NWD1: variants seen among roughly 807,000 people sequenced by gnomAD.
NWD1 encodes the protein NACHT and WD repeat domain containing 1, also known as NACHT domain- and WD repeat-containing protein 1.
In NWD1, 129 loss-of-function variants were observed where a neutral mutation model predicts 135.1. The ratio of observed to expected loss-of-function variants is 0.96; its 90% CI spans 0.83 to 1.11. The LOEUF (loss-of-function observed/expected upper bound fraction) is 1.11, where lower values mean the gene tolerates loss of function less well. Ranked by LOEUF, NWD1 falls within the 50% of genes least tolerant of loss-of-function variation. The pLI, the probability that NWD1 is intolerant of heterozygous loss-of-function variation, is 0.00. For missense variants in NWD1, 1,740 were observed against 1,851.3 expected (o/e 0.94, Z 1.10); for synonymous variants, 773 against 786.0 (o/e 0.98, Z 0.28).
rs202142885 is a variant in NWD1 at position 16,749,387 on chromosome 19, G to A, written c.745G>A (p.Asp249Asn). Residue 249 changes from aspartate to asparagine, a missense_variant, in exon 6 of 19, where the codon GAC becomes AAC. Asp to Asn is a conservative substitution (Grantham distance 23). Transcript: ENST00000524140. Reference protein sequence around the residue: ...LKTHRLPWSRDLVNPKNKTHA... With the variant: ...LKTHRLPWSRNLVNPKNKTHA... ...GACCCACCGCCTGCCGTGGAGCCGC[G>A]ACTTGGTGAACCCCAAGAACAAGAC... 571 of 1,613,726 alleles carry A rather than the reference G, an allele frequency of 3.5e-4. No individual in the cohort carries two copies. Among genetic ancestry groups the A allele is most frequent in the Non-Finnish European group, 4.7e-4 (555 of 1,179,864 alleles).
At chr19:16,764,816 G>A (rs1292852563) in intron 9 of NWD1, among the ~76,000 whole-genome samples, 2 of 151,888 alleles carry the variant, frequency 1.3e-5, no homozygotes, top group African/African-American at 4.8e-5. Flanking sequence ...ACTTGGGGTG[G>A]GAGTGCTACT....
chr19:16,779,825 G>C (rs1392101247), intron 12 of NWD1, among the ~76,000 whole-genome samples: 2 of 151,938 alleles, frequency 1.3e-5, no homozygotes, highest in African/African-American at 4.8e-5. Flanking sequence ...TTTTAGAAAT[G>C]GGGTCTTGCT....
At chr19:16,732,232 A>G (rs1967600562) in intron 3 of NWD1, among the ~76,000 whole-genome samples, 1 of 140,222 alleles carries the variant, frequency 7.1e-6, no homozygotes, top group Non-Finnish European at 1.5e-5. Flanking sequence ...AAAAAAAAAA[A>G]AAGGCAGATG....
chr19:16,793,815 G>T (rs1568385630), intron 14 of NWD1, among the ~76,000 whole-genome samples: 1 of 151,200 alleles, frequency 6.6e-6, no homozygotes, highest in Admixed American at 6.6e-5. Context: ...GACCTCGAGT[G>T]ATCCACCCAC....
chr19:16,773,361 C>G, intron 11 of NWD1, 38 bp downstream of exon 11: 4 of 1,566,994 alleles, frequency 2.6e-6, no homozygotes, highest in Non-Finnish European at 3.5e-6. Flanking sequence ...CCAGCAGGCA[C>G]CTGCTTGCCT....
In NWD1 at chr19:16,762,156, C is replaced by T. The variant is rs1459039151; in HGVS notation, c.2133+18C>T. ...ACCGAAAGGTGAGGTACCTGGGACCCCCATTCCCCACCTGCAACCTCCACC... is the reference window on the plus strand; with the variant it reads ...ACCGAAAGGTGAGGTACCTGGGACCTCCATTCCCCACCTGCAACCTCCACC... On this transcript the variant is annotated intron_variant, in intron 8 of 18. Coordinates refer to ENST00000524140, the MANE Select transcript of NWD1 (RefSeq NM_001007525.5). 6.2e-7 allele frequency: 1 copy of T among 1,606,430 alleles called. No homozygotes were observed. Among genetic ancestry groups the T allele is most frequent in the South Asian group, 1.1e-5 (1 of 90,680 alleles).
At position 16,789,133 on chromosome 19, in the gene NWD1, C is replaced by A. The variant is rs757244606; in HGVS notation, c.2883C>A (p.Ile961=). ...GGSKNPAEPQ[I]WNLHVDEAHK... ...CAAAAAATCCCGCTGAACCTCAGAT[C>A]TGGAACCTTCATGTGGATGAGGCAC... The change falls in exon 13 of 19, where the codon ATC becomes ATA. Residue 961 remains isoleucine (I), a synonymous_variant. Coordinates refer to ENST00000524140, the MANE Select transcript of NWD1 (RefSeq NM_001007525.5). 1 of 1,614,076 alleles carries A rather than the reference C, an allele frequency of 6.2e-7. No individual in the cohort carries two copies. Among genetic ancestry groups the A allele is most frequent in the Middle Eastern group, 1.7e-4 (1 of 6,054 alleles).
intron 6 of NWD1, among the ~76,000 whole-genome samples, chr19:16,754,377 C>T (rs1175828792): frequency 6.6e-6 from 1 of 151,252 alleles, no homozygotes; most frequent in African/African-American, 2.4e-5. Flanking sequence ...ATCATCCATC[C>T]ACCCATCATC....
intron 14 of NWD1, 99 bp from the exon 15 acceptor site, chr19:16,794,364 T>C (rs1328276152): frequency 2.9e-6 from 2 of 694,630 alleles, no homozygotes; most frequent in Non-Finnish European, 4.9e-6. Flanking sequence ...AGACTCCATC[T>C]CAAAAACAAA....
At chr19:16,730,175 A>G (rs1333596789) in intron 2 of NWD1, among the ~76,000 whole-genome samples, 1 of 151,928 alleles carries the variant, frequency 6.6e-6, no homozygotes, top group African/African-American at 2.4e-5. Context: ...ACAAAAAATT[A>G]GCCAGGTGTG....
At chr19:16,794,672 CA>C (rs1970362275) in intron 15 of NWD1, 119 bp downstream of exon 15, 1 of 696,430 alleles carries the variant, frequency 1.4e-6, no homozygotes, top group African/African-American at 1.8e-5. Flanking sequence ...CGTTTTCTGC[CA>C]AATGGCCTCA....
At chr19:16,795,705 C>A (rs1970396825) in intron 15 of NWD1, among the ~76,000 whole-genome samples, 1 of 152,126 alleles carries the variant, frequency 6.6e-6, no homozygotes, top group Admixed American at 6.6e-5. Flanking sequence ...ATATGAGCCA[C>A]CACACCTGGC....
intron 4 of NWD1, among the ~76,000 whole-genome samples, chr19:16,739,634 C>A (rs1206232806): frequency 6.6e-6 from 1 of 152,148 alleles, no homozygotes; most frequent in Non-Finnish European, 1.5e-5. Context: ...TCATTCTGCT[C>A]CATGACTCTG....
chr19:16,723,214 G>C (rs1967203002), intron 1 of NWD1, among the ~76,000 whole-genome samples: 1 of 151,918 alleles, frequency 6.6e-6, no homozygotes, highest in Admixed American at 6.6e-5. Context: ...TTTTGCTGTT[G>C]TTGAGATAGG....
At chr19:16,803,213 G>T (rs1406955745) in intron 17 of NWD1, among the ~76,000 whole-genome samples, 1 of 152,122 alleles carries the variant, frequency 6.6e-6, no homozygotes, top group African/African-American at 2.4e-5. Flanking sequence ...ATTATCTCCA[G>T]CTGGCCTCGG....
intron 2 of NWD1, among the ~76,000 whole-genome samples, chr19:16,728,875 C>T (rs1052084121): frequency 4.8e-5 from 7 of 144,820 alleles, no homozygotes; most frequent in Admixed American, 1.5e-4. Flanking sequence ...ACCCAGGAGG[C>T]GGAGCTTGCA....
intron 4 of NWD1, among the ~76,000 whole-genome samples, chr19:16,741,368 G>GTTTTTTTT (rs11292982): frequency 8.0e-6 from 1 of 125,022 alleles, no homozygotes; most frequent in African/African-American, 3.0e-5. Context: ...TTGTTTTTGT[G>GTTTTTTTT]TTTTTTTTTT....
intron 10 of NWD1, among the ~76,000 whole-genome samples, chr19:16,767,976 T>C (rs542404756): frequency 3.7e-4 from 55 of 150,010 alleles, no homozygotes; most frequent in African/African-American, 1.2e-3. Flanking sequence ...TGTCAGAATT[T>C]CCTTCCTTTT....
intron 2 of NWD1, among the ~76,000 whole-genome samples, chr19:16,725,050 C>T (rs186466246): frequency 4.6e-4 from 68 of 147,420 alleles, no homozygotes; most frequent in Admixed American, 1.8e-3. Context: ...CTCACTCTGT[C>T]GCCCAGGCTG....
Sources: allele counts gnomAD v4.1 joint callset (sites outside exome capture counted in the v4.1 genomes callset), GRCh38; gene constraint gnomAD v4.1.1; transcripts MANE v1.5; gene names NCBI Gene and HGNC (gene_info 2026-07-23, HGNC 2026-07-21).